PLEKHA4: variants seen among roughly 807,000 people sequenced by gnomAD.
PLEKHA4 encodes pleckstrin homology domain-containing family A member 4.
Under a neutral mutation model 94.7 loss-of-function variants are expected in PLEKHA4, and 73 were observed. The ratio of observed to expected loss-of-function variants is 0.77; its 90% CI spans 0.64 to 0.94. PLEKHA4 has a LOEUF of 0.94. PLEKHA4 is among the 40% of genes least tolerant of loss of function. The pLI is 0.00. For missense variants in PLEKHA4, 1,049 were observed against 1,054.1 expected (o/e 1.00, Z 0.07); for synonymous variants, 449 against 437.1 (o/e 1.03, Z -0.34).
chr19:48,857,316 ATATC>A, intron 9 of PLEKHA4, 102 bp downstream of exon 9: 1 of 592,124 alleles, frequency 1.7e-6, no homozygotes, highest in Non-Finnish European at 3.0e-6. Context: ...GGTCTTTGAA[ATATC>A]TACAGTTCTC....
chr19:48,845,087 C>G, intron 16 of PLEKHA4: 1 of 297,692 alleles, frequency 3.4e-6, no homozygotes, highest in Non-Finnish European at 6.4e-6. Flanking sequence ...CGCCTGGCCT[C>G]ATTCATCTAG....
In PLEKHA4 at chr19:48,852,193, G is replaced by C. The variant is rs746466540; in HGVS notation, c.1425+35C>G. 1.8e-5 allele frequency: 27 copies of C among 1,508,790 alleles called. No individual in the cohort carries two copies. The African/African-American group carries it at 2.5e-4, about 14-fold the overall frequency. 93.5% of individuals were successfully genotyped at this position (1,508,790 alleles called of 1,614,324 possible). On this transcript the variant is annotated intron_variant, in intron 13 of 19. Transcript: ENST00000263265. ...GATTTCCAGGCAGAACTTGGAGTTGGGGGTGGGTCTTGGGGTCTCCAAGCA... is the reference window on the plus strand; with the variant it reads ...GATTTCCAGGCAGAACTTGGAGTTGCGGGTGGGTCTTGGGGTCTCCAAGCA...
chr19:48,851,532 C>T (rs2036186931), intron 13 of PLEKHA4, among the ~76,000 whole-genome samples: 1 of 151,780 alleles, frequency 6.6e-6, no homozygotes, highest in African/African-American at 2.4e-5. Flanking sequence ...GGGTGAATCG[C>T]TTGAGCCCGG....
chr19:48,846,291 CA>C (rs369065603), intron 14 of PLEKHA4, among the ~76,000 whole-genome samples: 12 of 144,810 alleles, frequency 8.3e-5, no homozygotes, highest in South Asian at 2.2e-4. Context: ...ACTAAAAATA[CA>C]AAAAAAAAAT....
At chr19:48,847,206 G>A (rs2122970371) in intron 14 of PLEKHA4, among the ~76,000 whole-genome samples, 1 of 152,186 alleles carries the variant, frequency 6.6e-6, no homozygotes, top group Admixed American at 6.6e-5. Context: ...GAGACTGGAG[G>A]ATCATTTTAA....
chr19:48,865,580 C>T lies in PLEKHA4; in HGVS notation c.115G>A (p.Ala39Thr), dbSNP rs760684162. The change falls in exon 3 of 20, where the codon GCC becomes ACC. Residue 39 changes from alanine to threonine, a missense_variant. By Grantham distance (58) the Ala-to-Thr change is moderately conservative. Transcript: ENST00000263265. ...AGCGCATTGCCTCTCTTCCCAAAGG[C>T]GTGGATCTTGTTTACTGCCCGGGTG... The part of the protein sequence containing the change: ...KPTRAVNKIH[A>T]FGKRGNALRR... The T allele has an allele frequency of 5.6e-6, 9 of 1,613,794 alleles. No homozygotes were observed. The highest frequency in any genetic ancestry group is 1.6e-4 in the Middle Eastern group (1 of 6,084).
rs539301546 is a variant in PLEKHA4 at position 48,851,808 on chromosome 19, G to T, written c.1425+420C>A. Among the ~76,000 whole-genome samples the T allele has an allele frequency of 2.5e-3, 379 of 152,238 alleles. 2 individuals carry two copies. The highest frequency in any genetic ancestry group is 6.8e-3 in the Middle Eastern group (2 of 294). On this transcript the variant is annotated intron_variant, in intron 13 of 19. Coordinates refer to ENST00000263265, the MANE Select transcript of PLEKHA4 (RefSeq NM_020904.3). ...AAAATATAAAAAGTAGCTGGGCATG[G>T]TGGCATGTGCCTGAAATCCTAGCTA...
At chr19:48,865,462 C>T in intron 3 of PLEKHA4, 41 bp downstream of exon 3, 1 of 1,502,074 alleles carries the variant, frequency 6.7e-7, no homozygotes, top group Non-Finnish European at 9.3e-7. Flanking sequence ...ACAGCCGGGG[C>T]ACAGACTTCA....
At chr19:48,855,652 G>A (rs1389399650) in intron 9 of PLEKHA4, among the ~76,000 whole-genome samples, 1 of 148,168 alleles carries the variant, frequency 6.7e-6, no homozygotes, top group Admixed American at 6.7e-5. Context: ...AGCTGAGCAT[G>A]GTGGTACATG....
At position 48,837,154 on chromosome 19, in the gene PLEKHA4, C is replaced by G. The variant is rs1408331836; in HGVS notation, c.*135G>C. The G allele has an allele frequency of 6.2e-5, 79 of 1,283,952 alleles. No homozygotes were observed. Among genetic ancestry groups the G allele is most frequent in the Middle Eastern group, 1.9e-4 (1 of 5,342 alleles). 79.5% of individuals were successfully genotyped at this position (1,283,952 alleles called of 1,614,324 possible). A position where few individuals can be genotyped will look rare whatever the true frequency, so the allele number is the denominator to read the frequency against. On this transcript the variant is annotated 3_prime_UTR_variant, in exon 20 of 20. Transcript: ENST00000263265. The surrounding 1 kb of genome is among the most constrained non-coding windows in gnomAD (Gnocchi z 4.3). ...AGTGTTGAGAAAACCAAACTTTGGC[C>G]ATAGAAACCATTCCCCTCCCGGGCC...
intron 9 of PLEKHA4, among the ~76,000 whole-genome samples, chr19:48,855,160 A>T (rs1185035594): frequency 6.6e-6 from 1 of 152,096 alleles, no homozygotes; most frequent in Admixed American, 6.6e-5. Flanking sequence ...TTTATTTATG[A>T]CTAAGAATAA....
intron 13 of PLEKHA4, among the ~76,000 whole-genome samples, chr19:48,851,947 C>G (rs1178436133): frequency 6.6e-6 from 1 of 151,984 alleles, no homozygotes; most frequent in Non-Finnish European, 1.5e-5. Context: ...GTCTTAAAAA[C>G]AAACAAATAA....
rs982867045 is a variant in PLEKHA4 at position 48,867,831 on chromosome 19, G to A, written c.-6-205C>T. 6.6e-5 allele frequency among the ~76,000 whole-genome samples: 10 copies of A among 152,080 alleles called. No individual in the cohort carries two copies. The highest frequency in any genetic ancestry group is 2.4e-4 in the African/African-American group (10 of 41,388). ...GCGGCCCTGGCAGCTGCGGGAGGGG[G>A]CAGCTGTCTGCAGCCCAGGCCAGAG... On this transcript the variant is annotated intron_variant, in intron 1 of 19. Transcript: ENST00000263265. The surrounding 1 kb of genome is among the most constrained non-coding windows in gnomAD (Gnocchi z 4.7).
chr19:48,859,347 C>T, intron 7 of PLEKHA4, 122 bp downstream of exon 7: 3 of 1,090,816 alleles, frequency 2.8e-6, no homozygotes, highest in Admixed American at 2.5e-5. Context: ...AGGCTGTGAC[C>T]CCCACGGGAG....
At position 48,837,360 on chromosome 19, in the gene PLEKHA4, C is replaced by G; in HGVS notation, c.2269G>C (p.Ala757Pro). 1 of 1,613,676 alleles carries G rather than the reference C, an allele frequency of 6.2e-7. No homozygotes were observed. Among genetic ancestry groups the G allele is most frequent in the South Asian group, 1.1e-5 (1 of 91,082 alleles). Residue 757 changes from alanine (A) to proline (P), a missense_variant, in exon 20 of 20, where the codon GCC (alanine) becomes CCC (proline). By Grantham distance (27) the Ala-to-Pro change is conservative. Transcript: ENST00000263265. The surrounding 1 kb of genome is among the most constrained non-coding windows in gnomAD (Gnocchi z 4.3). ...TCGTCTTGTGGCAGGACCGGAGGGG[C>G]GATCCCGGCATCCCACGCGGGCCCC... Reference protein sequence around the residue: ...PWGPAWDAGIAPPVLPQDEGA... With the variant: ...PWGPAWDAGIPPPVLPQDEGA...
Position 48,854,242 on chromosome 19 carries a change from G to A in PLEKHA4, c.1070C>T (p.Thr357Ile). The A allele has an allele frequency of 6.2e-7, 1 of 1,614,166 alleles. No individual in the cohort carries two copies. The highest frequency in any genetic ancestry group is 8.5e-7 in the Non-Finnish European group (1 of 1,180,016). Reference sequence around the variant, plus strand: ...ATCTGTCTCCAAGCTTTGGTGGAAAGTTGACTCCAGGGGAGGACCCGGCTG... The same window carrying A: ...ATCTGTCTCCAAGCTTTGGTGGAAAATTGACTCCAGGGGAGGACCCGGCTG... The part of the protein sequence containing the change: ...VLLPGPPLES[T>I]FHQSLETDTL... Residue 357 changes from threonine to isoleucine, a missense_variant, in exon 10 of 20, where the codon ACT becomes ATT. By Grantham distance (89) the Thr-to-Ile change is moderately conservative. Transcript: ENST00000263265.
chr19:48,838,839 C>G (rs2035644213), intron 18 of PLEKHA4, among the ~76,000 whole-genome samples: 1 of 151,690 alleles, frequency 6.6e-6, no homozygotes, highest in African/African-American at 2.4e-5. Context: ...GACCCGGGTA[C>G]CGCACGTGCC....
chr19:48,859,180 C>A, intron 7 of PLEKHA4, 41 bp from the exon 8 acceptor site: 2 of 1,414,758 alleles, frequency 1.4e-6, no homozygotes, highest in East Asian at 2.5e-5. Context: ...TCAACTAGAG[C>A]CCTCTCCATC....
chr19:48,854,169 C>G (rs767219927), intron 10 of PLEKHA4, 48 bp downstream of exon 10: 31 of 1,606,660 alleles, frequency 1.9e-5, no homozygotes, highest in Non-Finnish European at 2.5e-5. Flanking sequence ...AGAACATTCT[C>G]TCCCCAACTC....
Sources: gnomAD v4.1 joint callset for allele counts (sites outside exome capture counted in the v4.1 genomes callset) on GRCh38, gnomAD v4.1.1 for gene constraint, Gnocchi (gnomAD v3.1) non-coding constraint, MANE v1.5 for transcripts, NCBI Gene and HGNC (gene_info 2026-07-23, HGNC 2026-07-21) for gene names.